Variants in WDR5 observed in about 807,000 individuals in gnomAD.
WDR5 encodes the protein WD repeat-containing protein 5.
For synonymous variants in WDR5, 144 were observed against 161.6 expected (o/e 0.89, Z 0.83); for missense variants, 187 against 416.9 (o/e 0.45, Z 4.80).
At chr9:134,148,219 G>A in intron 7 of WDR5, 69 bp from the exon 8 acceptor site, 5 of 563,990 alleles carry the variant, frequency 8.9e-6, no homozygotes, top group Non-Finnish European at 1.5e-5. Context: ...TTTGAGATCA[G>A]GTAAGAAGCA....
intron 7 of WDR5, among the ~76,000 whole-genome samples, chr9:134,144,516 T>C (rs866903561): frequency 1.2e-4 from 18 of 152,168 alleles, no homozygotes; most frequent in African/African-American, 3.1e-4. Flanking sequence ...AGTCTTTTTT[T>C]CTTACGAAAG....
At chr9:134,150,312 C>T (rs562984566) in intron 8 of WDR5, among the ~76,000 whole-genome samples, 2 of 152,326 alleles carry the variant, frequency 1.3e-5, no homozygotes, top group Admixed American at 6.5e-5. Flanking sequence ...TTATCTAATT[C>T]TACCAACAGA....
chr9:134,139,790 T>C (rs1831779648), intron 1 of WDR5, 30 bp from the exon 2 acceptor site: 1 of 1,408,532 alleles, frequency 7.1e-7, no homozygotes, highest in African/African-American at 1.4e-5. Context: ...GTTTGTTTCT[T>C]GGCTCCCTGT....
chr9:134,139,328 G>T lies in WDR5; in HGVS notation c.-58-492G>T, dbSNP rs1831753186. On this transcript the variant is annotated intron_variant, in intron 1 of 13. Transcript: ENST00000358625. ...ATGAGGCGTAGACCACTGGGTGCCC[G>T]TGCTTGTGTTTTCAAACGTGGCTGT... is the stretch of plus-strand genomic sequence containing the variant. 2.0e-5 allele frequency among the ~76,000 whole-genome samples: 3 copies of T among 152,222 alleles called. No individual in the cohort carries two copies. The South Asian group carries it at 6.2e-4, about 32-fold the overall frequency.
chr9:134,147,904 C>T (rs1832286626), intron 7 of WDR5, among the ~76,000 whole-genome samples: 1 of 151,856 alleles, frequency 6.6e-6, no homozygotes, highest in Non-Finnish European at 1.5e-5. Context: ...ACCTGTAATC[C>T]CGCAGTTTGG....
At position 134,139,802 on chromosome 9, in the gene WDR5, C is replaced by A; in HGVS notation, c.-58-18C>A. On this transcript the variant is annotated intron_variant, in intron 1 of 13. Transcript: ENST00000358625. ...ATAGTTTGTTTCTTGGCTCCCTGTT[C>A]TGCATCTCGCTCAACAGACTGCCTC... 1.3e-6 allele frequency: 2 copies of A among 1,494,386 alleles called. No individual in the cohort carries two copies. Among genetic ancestry groups the A allele is most frequent in the Non-Finnish European group, 1.9e-6 (2 of 1,080,760 alleles). The allele number at this position is 1,494,386 out of a possible 1,614,324, so 92.6% of individuals were successfully genotyped here. A position where few individuals can be genotyped will look rare whatever the true frequency, so the allele number is the denominator to read the frequency against.
intron 1 of WDR5, among the ~76,000 whole-genome samples, chr9:134,138,331 C>G (rs1831688782): frequency 7.7e-6 from 1 of 129,972 alleles, no homozygotes; most frequent in African/African-American, 2.5e-5. Context: ...TCACTCAGCT[C>G]TGGCCCTGGC....
At chr9:134,145,058 TG>T (rs1564191266) in intron 7 of WDR5, among the ~76,000 whole-genome samples, 1 of 150,402 alleles carries the variant, frequency 6.6e-6, no homozygotes, top group East Asian at 2.0e-4. Context: ...GCTGCTGCTC[TG>T]TAGCTGTCTC....
Position 134,139,816 on chromosome 9 carries a change from A to G in WDR5, c.-58-4A>G. 6.3e-7 allele frequency: 1 copy of G among 1,583,534 alleles called. No individual in the cohort carries two copies. Among genetic ancestry groups the G allele is most frequent in the Non-Finnish European group, 8.7e-7 (1 of 1,154,644 alleles). ...GGCTCCCTGTTCTGCATCTCGCTCA[A>G]CAGACTGCCTCTGTCACCGGGTCCC... On this transcript the variant is annotated splice_region_variant and splice_polypyrimidine_tract_variant and intron_variant, in intron 1 of 13. Coordinates refer to ENST00000358625, the MANE Select transcript of WDR5 (RefSeq NM_017588.3).
At chr9:134,139,113 G>A (rs564510508) in intron 1 of WDR5, among the ~76,000 whole-genome samples, 1 of 152,254 alleles carries the variant, frequency 6.6e-6, no homozygotes, top group African/African-American at 2.4e-5. Context: ...GTAGAATATC[G>A]TTGGTGTACT....
chr9:134,149,669 C>T (rs1832397326), intron 8 of WDR5, among the ~76,000 whole-genome samples: 1 of 152,116 alleles, frequency 6.6e-6, no homozygotes, highest in African/African-American at 2.4e-5. Flanking sequence ...AAAAGTATAC[C>T]AAGGAAATTA....
chr9:134,158,050 A>C lies in WDR5; in HGVS notation c.*57A>C. 1 of 1,530,044 alleles carries C rather than the reference A, an allele frequency of 6.5e-7. No homozygotes were observed. The highest frequency in any genetic ancestry group is 9.0e-7 in the Non-Finnish European group (1 of 1,105,294). The allele number at this position is 1,530,044 out of a possible 1,614,324, so 94.8% of individuals were successfully genotyped here. Reference sequence around the variant, plus strand: ...GGGAAGTTGACCCGGATTGGCAAGAAACAGGGTGTCTTGGAGGTGGTCCCC... The same window carrying C: ...GGGAAGTTGACCCGGATTGGCAAGACACAGGGTGTCTTGGAGGTGGTCCCC... On this transcript the variant is annotated 3_prime_UTR_variant, in exon 14 of 14. Coordinates refer to ENST00000358625, the MANE Select transcript of WDR5 (RefSeq NM_017588.3).
Position 134,155,703 on chromosome 9 carries a change from C to T in WDR5, c.752C>T (p.Thr251Met). 1 of 1,614,130 alleles carries T rather than the reference C, an allele frequency of 6.2e-7. No homozygotes were observed. Among genetic ancestry groups the T allele is most frequent in the Non-Finnish European group, 8.5e-7 (1 of 1,180,012 alleles). Reference protein sequence around the residue: ...WDYSKGKCLKTYTGHKNEKYC... With the variant: ...WDYSKGKCLKMYTGHKNEKYC... ...CCCCTCCTGTTTCAGTGCCTGAAGA[C>T]GTACACTGGCCACAAGAATGAGAAA... The change falls in exon 12 of 14, where the codon ACG becomes ATG. Residue 251 changes from threonine (T) to methionine (M), a missense_variant. Physicochemically the swap from Thr to Met is moderately conservative, Grantham distance 81. Coordinates refer to ENST00000358625, the MANE Select transcript of WDR5 (RefSeq NM_017588.3).
chr9:134,155,305 A>G, intron 10 of WDR5, 35 bp from the exon 11 acceptor site: 1 of 1,566,526 alleles, frequency 6.4e-7, no homozygotes, highest in African/African-American at 1.4e-5. Flanking sequence ...GGATGCCTCC[A>G]GACATGCCGC....
intron 9 of WDR5, among the ~76,000 whole-genome samples, chr9:134,152,587 A>G (rs1437052886): frequency 1.3e-5 from 2 of 152,118 alleles, no homozygotes; most frequent in Non-Finnish European, 2.9e-5. Context: ...TGCAGAAAGG[A>G]GCGGAAGGGT....
chr9:134,154,763 G>A (rs1001567542), intron 10 of WDR5, among the ~76,000 whole-genome samples: 3 of 152,208 alleles, frequency 2.0e-5, no homozygotes, highest in African/African-American at 7.2e-5. Flanking sequence ...GGAGGATTTA[G>A]GGTCCGTTTT....
intron 7 of WDR5, among the ~76,000 whole-genome samples, chr9:134,146,402 G>A (rs1832203563): frequency 6.6e-6 from 1 of 152,040 alleles, no homozygotes; most frequent in Non-Finnish European, 1.5e-5. Context: ...GCCTGGTTAA[G>A]TTTTGTATTT....
In WDR5 at chr9:134,159,890, T is replaced by A. The variant is rs186059457; in HGVS notation, c.*1897T>A. ...CGCTGTATCCCTGAATATAGTTTAT[T>A]TTTTCTACATTTGAATTCTGTTGTA... On this transcript the variant is annotated 3_prime_UTR_variant, in exon 14 of 14. Coordinates refer to ENST00000358625, the MANE Select transcript of WDR5 (RefSeq NM_017588.3). This position sits in a 1 kb window ranked among gnomAD's most constrained non-coding sequence, Gnocchi z 4.3. The A allele has an allele frequency of 6.6e-6, 1 of 152,222 alleles. No homozygotes were observed. The allele number at this position is 152,222 out of a possible 1,614,324, so 9.4% of individuals were successfully genotyped here. A position where few individuals can be genotyped will look rare whatever the true frequency, so the allele number is the denominator to read the frequency against.
At chr9:134,150,681 C>CCA (rs1832444323) in intron 8 of WDR5, among the ~76,000 whole-genome samples, 1 of 152,154 alleles carries the variant, frequency 6.6e-6, no homozygotes, top group South Asian at 2.1e-4. Flanking sequence ...CCCATTTAAC[C>CCA]CTGTGACGTG....
Sources: gnomAD v4.1 joint callset for allele counts (sites outside exome capture counted in the v4.1 genomes callset) on GRCh38, gnomAD v4.1.1 for gene constraint, Gnocchi (gnomAD v3.1) non-coding constraint, MANE v1.5 for transcripts, NCBI Gene and HGNC (gene_info 2026-07-23, HGNC 2026-07-21) for gene names.